DTNA: variants seen among roughly 807,000 people sequenced by gnomAD.
DTNA encodes dystrobrevin alpha.
A neutral mutation model predicts 100.7 loss-of-function variants in DTNA; 43 were observed. That is an observed-to-expected ratio of 0.43 (90% CI 0.33 to 0.55). The LOEUF (loss-of-function observed/expected upper bound fraction) is 0.55, where lower values mean the gene tolerates loss of function less well. Ranked by LOEUF, DTNA falls within the 20% of genes least tolerant of loss-of-function variation. The probability of loss-of-function intolerance (pLI) is 0.04; values close to 1 mark genes in which losing one functional copy is unlikely to be tolerated. For missense variants in DTNA, 798 were observed against 953.9 expected (o/e 0.84, Z 2.15); for synonymous variants, 349 against 347.9 (o/e 1.00, Z -0.04).
chr18:34,709,285 A>G (rs886127491), upstream of DTNA: 5 of 152,216 alleles, frequency 3.3e-5, no homozygotes, highest in African/African-American at 9.7e-5. Flanking sequence ...ATGCAAACAA[A>G]TTATTGTGAA....
rs76246806 is a variant in DTNA at position 34,674,811 on chromosome 18, A to T, written c.-1-81165A>T. Among the ~76,000 whole-genome samples, 165 of 152,356 alleles carry T rather than the reference A, an allele frequency of 1.1e-3. No homozygotes were observed. In the East Asian group the frequency reaches 0.016, roughly 15 times the overall value. ...AAACAAGCAATAAGTCCCTGCCCAG[A>T]GTTGCACGTATTCTTATAAAGGGAT... On this transcript the variant is annotated intron_variant, in intron 1 of 19. Coordinates refer to the DTNA transcript ENST00000283365.
chr18:34,818,441 C>T, intron 8 of DTNA, 111 bp downstream of exon 8: 1 of 1,545,146 alleles, frequency 6.5e-7, no homozygotes, highest in Non-Finnish European at 8.7e-7. Context: ...CCTTCCATCC[C>T]AGGTCTAGTA....
chr18:34,588,686 A>AGTGT (rs145242890), intron 1 of DTNA, among the ~76,000 whole-genome samples: 62 of 149,662 alleles, frequency 4.1e-4, no homozygotes, highest in African/African-American at 8.3e-4. Flanking sequence ...TGAATATTAT[A>AGTGT]GTGTGTGTGT....
intron 3 of DTNA, among the ~76,000 whole-genome samples, chr18:34,781,811 C>G (rs1281963493): frequency 6.6e-6 from 1 of 152,262 alleles, no homozygotes; most frequent in Non-Finnish European, 1.5e-5. Context: ...AAAAGTAATG[C>G]AGTTGCTACT....
intron 1 of DTNA, among the ~76,000 whole-genome samples, chr18:34,755,278 T>G (rs1348894157): frequency 6.6e-6 from 1 of 152,258 alleles, no homozygotes; most frequent in African/African-American, 2.4e-5. Context: ...TTCTATCACA[T>G]TTTAATTCTC....
chr18:34,701,361 A>C (rs987972136), intron 1 of DTNA, among the ~76,000 whole-genome samples: 9 of 152,040 alleles, frequency 5.9e-5, no homozygotes, highest in African/African-American at 2.2e-4. Context: ...GTAGCTTTCA[A>C]CTCAAGAATC....
At chr18:34,644,292 G>C (rs1424141386) in intron 1 of DTNA, among the ~76,000 whole-genome samples, 1 of 152,080 alleles carries the variant, frequency 6.6e-6, no homozygotes, top group Admixed American at 6.6e-5. Flanking sequence ...TGTAGGAGTC[G>C]ACTGTATTAT....
Position 34,829,425 on chromosome 18 carries a change from A to C in DTNA, c.1111A>C (p.Ser371Arg). The C allele has an allele frequency of 6.5e-7, 1 of 1,535,016 alleles. No homozygotes were observed. Among genetic ancestry groups the C allele is most frequent in the Non-Finnish European group, 8.7e-7 (1 of 1,146,398 alleles). Reference protein sequence around the residue: ...RRLPEGISASSPVAEEHSLIK... With the variant: ...RRLPEGISASRPVAEEHSLIK... ...GTTACCTGAGGGAATAAGTGCATCCAGCCCTGTGGCTGAAGAGCATTCCCT... is the reference window on the plus strand; with the variant it reads ...GTTACCTGAGGGAATAAGTGCATCCCGCCCTGTGGCTGAAGAGCATTCCCT... The change falls in exon 11 of 23, where the codon AGC becomes CGC. Residue 371 changes from serine (S) to arginine (R), a missense_variant. This residue lies in a region of DTNA where 93 missense variants were observed against 90.5 expected (regional missense o/e 1.03). Coordinates refer to ENST00000444659, the MANE Select transcript of DTNA (RefSeq NM_001386795.1).
chr18:34,686,421 G>T (rs1416332259), intron 1 of DTNA, among the ~76,000 whole-genome samples: 1 of 152,164 alleles, frequency 6.6e-6, no homozygotes, highest in African/African-American at 2.4e-5. Context: ...CATTGGTTCT[G>T]TTTATGTGAT....
intron 1 of DTNA, among the ~76,000 whole-genome samples, chr18:34,499,238 T>C (rs984881203): frequency 6.6e-6 from 1 of 152,240 alleles, no homozygotes; most frequent in African/African-American, 2.4e-5. Flanking sequence ...TTATACATAA[T>C]GGGAACTTTT....
At chr18:34,867,534 T>C in intron 17 of DTNA, 1 of 1,150,286 alleles carries the variant, frequency 8.7e-7, no homozygotes, top group Non-Finnish European at 1.1e-6. Flanking sequence ...GATACTTCTC[T>C]GCAAATGGCT....
intron 11 of DTNA, 98 bp downstream of exon 11, chr18:34,829,587 T>A: frequency 1.6e-6 from 2 of 1,264,932 alleles, no homozygotes; most frequent in African/African-American, 1.5e-5. Context: ...TCATAGTACG[T>A]CTTATTGGAG....
intron 1 of DTNA, among the ~76,000 whole-genome samples, chr18:34,682,318 A>C (rs2078250706): frequency 6.6e-6 from 1 of 152,202 alleles, no homozygotes; most frequent in East Asian, 1.9e-4. Flanking sequence ...TAAATATTTT[A>C]GGTTGGTGCA....
intron 1 of DTNA, among the ~76,000 whole-genome samples, chr18:34,635,444 T>C (rs61036542): frequency 0.039 from 5,986 of 152,290 alleles, 329 homozygotes; most frequent in African/African-American, 0.13. Context: ...ACACTGTTTT[T>C]CATAACAGCT....
intron 1 of DTNA, among the ~76,000 whole-genome samples, chr18:34,602,320 G>A (rs1206379659): frequency 6.6e-6 from 1 of 152,092 alleles, no homozygotes; most frequent in African/African-American, 2.4e-5. Flanking sequence ...GTGTATTGTG[G>A]GGAGGGCTGG....
At chr18:34,675,434 G>A (rs1446456174) in intron 1 of DTNA, among the ~76,000 whole-genome samples, 1 of 151,912 alleles carries the variant, frequency 6.6e-6, no homozygotes, top group Non-Finnish European at 1.5e-5. Context: ...TTTCTGCTTG[G>A]ATTCCTTATA....
Position 34,581,121 on chromosome 18 carries a change from C to T in DTNA, c.-2+87607C>T, listed in dbSNP as rs151190556. ...AAAATTAGCCGGGTGTGGTGGCGTG[C>T]GCCTGTATCCCAGCTGCTGGGGAGA... On this transcript the variant is annotated intron_variant, in intron 1 of 19. Coordinates refer to the DTNA transcript ENST00000283365. 5.3e-3 allele frequency among the ~76,000 whole-genome samples: 805 copies of T among 152,096 alleles called. 3 individuals carry two copies. Among genetic ancestry groups the T allele is most frequent in the Non-Finnish European group, 7.9e-3 (537 of 67,994 alleles).
intron 1 of DTNA, among the ~76,000 whole-genome samples, chr18:34,692,691 G>A (rs772777714): frequency 2.6e-5 from 4 of 152,210 alleles, no homozygotes; most frequent in Non-Finnish European, 5.9e-5. Context: ...TTTAAAAGAT[G>A]TAGCACCTTG....
At chr18:34,517,289 T>C (rs1241266414) in intron 1 of DTNA, among the ~76,000 whole-genome samples, 5 of 152,160 alleles carry the variant, frequency 3.3e-5, no homozygotes, top group African/African-American at 1.2e-4. Flanking sequence ...TATTTTCAGA[T>C]AATTACAGAT....
Sources: allele counts gnomAD v4.1 joint callset (sites outside exome capture counted in the v4.1 genomes callset), GRCh38; gene constraint gnomAD v4.1.1; regional missense constraint gnomAD v4.1.1; transcripts MANE v1.5; gene names NCBI Gene and HGNC (gene_info 2026-07-23, HGNC 2026-07-21).